The following SMTN variants were observed in gnomAD, a reference collection of about 807,000 sequenced individuals.
The protein encoded by SMTN is smoothelin.
In SMTN, 58 loss-of-function variants were observed where a neutral mutation model predicts 102.0. The ratio of observed to expected loss-of-function variants is 0.57; its 90% CI spans 0.46 to 0.71. The LOEUF is 0.71. Ranked by LOEUF, SMTN falls within the 30% of genes least tolerant of loss-of-function variation. The pLI is 0.00. For missense variants in SMTN, 1,185 were observed against 1,241.7 expected (o/e 0.95, Z 0.69); for synonymous variants, 478 against 497.9 (o/e 0.96, Z 0.53).
chr22:31,078,613 G>A (rs984262308), upstream of SMTN, among the ~76,000 whole-genome samples: 4 of 152,194 alleles, frequency 2.6e-5, no homozygotes, highest in Non-Finnish European at 4.4e-5. Flanking sequence ...TTCCTGCTCC[G>A]CCCACAGCCT....
At chr22:31,094,755 C>G (rs972545553) in intron 11 of SMTN, among the ~76,000 whole-genome samples, 1 of 151,208 alleles carries the variant, frequency 6.6e-6, no homozygotes, top group South Asian at 2.1e-4. Flanking sequence ...GATCATAGCT[C>G]TCTGCAGCCT....
chr22:31,093,598 G>A (rs761416451), intron 11 of SMTN: 19 of 753,740 alleles, frequency 2.5e-5, no homozygotes, highest in Non-Finnish European at 4.2e-5. Flanking sequence ...CGTGGAGCCG[G>A]TGGCCCGGGC....
Position 31,096,879 on chromosome 22 carries a change from G to GAGCGGCTCGTCCACTCC in SMTN, c.2011_2026+1dup, listed in dbSNP as rs775590921. ...TGCTGTCAGCACTGTTACCAAGACT[G>GAGCGGCTCGTCCACTCC]AGCGGCTCGTCCACTCCAGTAAGGG... is the stretch of plus-strand genomic sequence containing the variant. On this transcript the variant is annotated frameshift_variant, in exon 14 of 21. Transcript: ENST00000333137. LOFTEE classifies it high-confidence loss of function. 1 of 1,586,982 alleles carries GAGCGGCTCGTCCACTCC rather than the reference G, an allele frequency of 6.3e-7. No homozygotes were observed. Among genetic ancestry groups the GAGCGGCTCGTCCACTCC allele is most frequent in the African/African-American group, 1.3e-5 (1 of 74,464 alleles).
At chr22:31,093,366 G>A in intron 11 of SMTN, 2 of 360,832 alleles carry the variant, frequency 5.5e-6, no homozygotes, top group Non-Finnish European at 5.4e-6. Flanking sequence ...CGGACCAGCT[G>A]CAAAGACTCA....
chr22:31,075,795 G>T (rs551360229), intron 1 of SMTN, among the ~76,000 whole-genome samples: 22 of 152,222 alleles, frequency 1.4e-4, no homozygotes, highest in African/African-American at 5.3e-4. Flanking sequence ...AACTTCATAA[G>T]CAGTTGCTAT....
chr22:31,083,556 T>G, intron 2 of SMTN: 1 of 451,676 alleles, frequency 2.2e-6, no homozygotes, highest in African/African-American at 2.0e-5. Context: ...GTTTAAACAG[T>G]AACTGCTGTA....
chr22:31,085,074 T>TGGGAGGAATG (rs1180642197), intron 2 of SMTN: 1 of 1,533,304 alleles, frequency 6.5e-7, no homozygotes, highest in East Asian at 2.5e-5. Context: ...GGGCCGGGGA[T>TGGGAGGAATG]GGGAGGAATG....
Position 31,095,377 on chromosome 22 carries a change from C to A in SMTN, c.1707C>A (p.Asn569Lys), listed in dbSNP as rs779745663. 6 of 1,614,238 alleles carry A rather than the reference C, an allele frequency of 3.7e-6. No homozygotes were observed. The East Asian group carries it at 6.7e-5, about 18-fold the overall frequency. ...AANGAEQTRV[N>K]KAPEGRSPLS... ...ATGGGGCTGAGCAGACCCGAGTGAA[C>A]AAAGCACCAGAAGGGCGGAGCCCTC... Residue 569 changes from asparagine (N) to lysine (K), a missense_variant, in exon 12 of 21, where the codon AAC becomes AAA. Physicochemically the swap from Asn to Lys is moderately conservative, Grantham distance 94 (BLOSUM62 0). Coordinates refer to ENST00000333137, the MANE Select transcript of SMTN (RefSeq NM_134269.3). The surrounding 1 kb of genome is among the most constrained non-coding windows in gnomAD (Gnocchi z 4.1).
rs192828443 is a variant in SMTN, at chr22:31,092,117, G to A, written c.1632+270G>A. Among the ~76,000 whole-genome samples, 44 of 152,316 alleles carry A rather than the reference G, an allele frequency of 2.9e-4. 1 individual carries two copies. In the East Asian group the frequency reaches 6.0e-3, roughly 21 times the overall value. On this transcript the variant is annotated intron_variant, in intron 11 of 20. Coordinates refer to ENST00000333137, the MANE Select transcript of SMTN (RefSeq NM_134269.3). ...GATGCTGATCTCTGATCCTTAGTTC[G>A]AAATTGGTTGGTTCATTCCTGGTGA... is the stretch of plus-strand genomic sequence containing the variant.
chr22:31,098,002 A>G (rs552172118), intron 16 of SMTN, among the ~76,000 whole-genome samples: 273 of 152,338 alleles, frequency 1.8e-3, no homozygotes, highest in Non-Finnish European at 2.5e-3. Context: ...ACTTCCCAGT[A>G]TCTGCAAACC....
At chr22:31,090,232 C>T in intron 8 of SMTN, 52 bp downstream of exon 8, 1 of 1,440,356 alleles carries the variant, frequency 6.9e-7, no homozygotes, top group Admixed American at 2.1e-5. Flanking sequence ...CCTCCCCCTG[C>T]CTCCCTTTCC....
Position 31,097,056 on chromosome 22 carries a change from G to T in SMTN, c.2085G>T (p.Ser695=). 8 of 1,613,964 alleles carry T rather than the reference G, an allele frequency of 5.0e-6. No homozygotes were observed. Among genetic ancestry groups the T allele is most frequent in the Non-Finnish European group, 5.9e-6 (7 of 1,179,948 alleles). The change falls in exon 15 of 21, where the codon TCG becomes TCT. Residue 695 remains serine, a synonymous_variant. Coordinates refer to ENST00000333137, the MANE Select transcript of SMTN (RefSeq NM_134269.3). ...TGGAGTCGAGTTTCGTGAGGCGCTCGGAGAGTAAGGCCACCTGGTGTCGCC... is the reference window on the plus strand; with the variant it reads ...TGGAGTCGAGTTTCGTGAGGCGCTCTGAGAGTAAGGCCACCTGGTGTCGCC... ...TTVESSFVRR[S]ENGSGSTMMQ...
chr22:31,076,658 T>G (rs2042137156), upstream of SMTN, among the ~76,000 whole-genome samples: 1 of 152,214 alleles, frequency 6.6e-6, no homozygotes, highest in African/African-American at 2.4e-5. Context: ...GTTGAGAATC[T>G]GGGATGCAGA....
At chr22:31,069,289 C>A (rs2041940514) in intron 1 of SMTN, among the ~76,000 whole-genome samples, 1 of 152,116 alleles carries the variant, frequency 6.6e-6, no homozygotes, top group Non-Finnish European at 1.5e-5. Context: ...GCCACTCTCG[C>A]TTCAAAGTCC....
At position 31,071,196 on chromosome 22, in the gene SMTN, C is replaced by T. The variant is rs5753451; in HGVS notation, c.-386+7009C>T. On this transcript the variant is annotated intron_variant, in intron 1 of 3. Coordinates refer to the SMTN transcript ENST00000422839. Reference sequence around the variant, plus strand: ...TCAAGGCTTCAGTGAGCCATGATTGCGCCACTGCACTCCTACCTGTGCAAC... The same window carrying T: ...TCAAGGCTTCAGTGAGCCATGATTGTGCCACTGCACTCCTACCTGTGCAAC... 0.02 allele frequency among the ~76,000 whole-genome samples: 2,929 copies of T among 145,390 alleles called. 295 individuals are homozygous for T. The East Asian group carries it at 0.34, about 17-fold the overall frequency.
intron 2 of SMTN, among the ~76,000 whole-genome samples, chr22:31,085,604 A>ATCCCCT (rs1279621248): frequency 2.0e-5 from 3 of 152,202 alleles, no homozygotes; most frequent in East Asian, 1.9e-4. Context: ...AAACCGCCCC[A>ATCCCCT]TCCCCTTCCC....
At chr22:31,071,587 A>C (rs2147478379) in intron 1 of SMTN, among the ~76,000 whole-genome samples, 1 of 152,184 alleles carries the variant, frequency 6.6e-6, no homozygotes, top group East Asian at 1.9e-4. Context: ...ATTGCACTCC[A>C]GCCTGAGAGA....
rs748717500 is a variant in SMTN, at chr22:31,097,054, T to G, written c.2083T>G (p.Ser695Ala). The part of the protein sequence containing the change: ...TTVESSFVRR[S>A]ENGSGSTMMQ... ...AGTGGAGTCGAGTTTCGTGAGGCGC[T>G]CGGAGAGTAAGGCCACCTGGTGTCG... The change falls in exon 15 of 21, where the codon TCG (serine) becomes GCG (alanine). Residue 695 changes from serine to alanine, a missense_variant. This residue lies in a region of SMTN where 1,096 missense variants were observed against 1,112.7 expected (regional missense o/e 0.98). Transcript: ENST00000333137. 6.8e-6 allele frequency: 11 copies of G among 1,614,012 alleles called. No individual in the cohort carries two copies. In the Admixed American group the frequency reaches 1.8e-4, roughly 27 times the overall value.
In SMTN at chr22:31,099,698, G is replaced by T. The variant is rs141607162; in HGVS notation, c.2452-47G>T. The T allele has an allele frequency of 4.4e-6, 7 of 1,601,166 alleles. No homozygotes were observed. The East Asian group carries it at 9.0e-5, about 20-fold the overall frequency. Reference sequence around the variant, plus strand: ...CAGAATGCTGAGGGGTAGACAGCAGGGGGGAGTTGCCCCCAGGTTCCTGAC... The same window carrying T: ...CAGAATGCTGAGGGGTAGACAGCAGTGGGGAGTTGCCCCCAGGTTCCTGAC... On this transcript the variant is annotated intron_variant, in intron 18 of 20. Coordinates refer to ENST00000333137, the MANE Select transcript of SMTN (RefSeq NM_134269.3).
Sources: allele counts gnomAD v4.1 joint callset (sites outside exome capture counted in the v4.1 genomes callset), GRCh38; gene constraint gnomAD v4.1.1; regional missense constraint gnomAD v4.1.1; non-coding constraint Gnocchi (gnomAD v3.1); transcripts MANE v1.5; gene names NCBI Gene and HGNC (gene_info 2026-07-23, HGNC 2026-07-21).